The following C10orf105 variants were observed in gnomAD, a reference collection of about 807,000 sequenced individuals.
The protein encoded by C10orf105 is uncharacterized protein C10orf105.
C10orf105 carries 2 observed loss-of-function variants against 0.6 expected under a neutral mutation model. The observed-to-expected ratio is 3.18, with a 90% CI of 1.30 to 10.01. The LOEUF (loss-of-function observed/expected upper bound fraction) is 10.01, where lower values mean the gene tolerates loss of function less well. Ranked by LOEUF, C10orf105 falls within the 30% of genes most tolerant of loss-of-function variation. C10orf105 has a pLI of 0.04. For missense variants in C10orf105, 209 were observed against 191.4 expected (o/e 1.09, Z -0.54); for synonymous variants, 95 against 82.4 (o/e 1.15, Z -0.83).
chr10:71,725,913 TG>T (rs1213975407), intron 1 of C10orf105, among the ~76,000 whole-genome samples: 2 of 151,206 alleles, frequency 1.3e-5, no homozygotes, highest in Non-Finnish European at 3.0e-5. Context: ...AAGTTGCTAG[TG>T]ATAGAATCAG....
At chr10:71,720,678 C>T (rs769162547), upstream of C10orf105, among the ~76,000 whole-genome samples, 4 of 152,194 alleles carry the variant, frequency 2.6e-5, no homozygotes, top group Non-Finnish European at 5.9e-5. Context: ...TGCCCTTGCC[C>T]ATAAAAAGAG....
chr10:71,733,547 A>G (rs1839460662), intron 1 of C10orf105, among the ~76,000 whole-genome samples: 1 of 152,214 alleles, frequency 6.6e-6, no homozygotes, highest in Non-Finnish European at 1.5e-5. Context: ...CACCTAGGAA[A>G]TGCCAGGGGA....
chr10:71,732,706 A>G, intron 1 of C10orf105: 1 of 1,280,810 alleles, frequency 7.8e-7, no homozygotes, highest in African/African-American at 1.5e-5. Context: ...TAGGAGTAAG[A>G]TAAAGTTTAT....
intron 1 of C10orf105, among the ~76,000 whole-genome samples, chr10:71,734,038 T>G (rs560626902): frequency 1.3e-5 from 2 of 152,286 alleles, no homozygotes; most frequent in East Asian, 3.9e-4. Flanking sequence ...CAGTCATACC[T>G]GGCTGGGGAA....
At chr10:71,727,934 A>G (rs1391612365) in intron 1 of C10orf105, among the ~76,000 whole-genome samples, 3 of 152,274 alleles carry the variant, frequency 2.0e-5, no homozygotes, top group African/African-American at 4.8e-5. Flanking sequence ...CTCTGCTGCT[A>G]AAAACAGGCT....
At position 71,713,157 on chromosome 10, in the gene C10orf105, G is replaced by A. The variant is rs1240551300; in HGVS notation, c.*2779C>T. The A allele has an allele frequency of 3.8e-6, 3 of 779,266 alleles. No individual in the cohort carries two copies. In the South Asian group the frequency reaches 4.0e-5, roughly 10 times the overall value. The allele number at this position is 779,266 out of a possible 1,614,324, so 48.3% of individuals were successfully genotyped here. On this transcript the variant is annotated 3_prime_UTR_variant, in exon 2 of 2. Coordinates refer to ENST00000441508, the MANE Select transcript of C10orf105 (RefSeq NM_001164375.3). Reference sequence around the variant, plus strand: ...ATTTCCCGGAAAGGAGTTGAGAAGAGAGCCAGGGCCCAGCAAGGCCCAGAA... The same window carrying A: ...ATTTCCCGGAAAGGAGTTGAGAAGAAAGCCAGGGCCCAGCAAGGCCCAGAA...
At chr10:71,720,694 G>A (rs1866516290), upstream of C10orf105, among the ~76,000 whole-genome samples, 1 of 152,200 alleles carries the variant, frequency 6.6e-6, no homozygotes, top group Non-Finnish European at 1.5e-5. Context: ...AAGAGGCACT[G>A]TCTGCCAACC....
rs903234624 is a variant in C10orf105 at position 71,715,779 on chromosome 10, G to A, written c.*157C>T. ...CTTCTGAGGATCATCTTTGGGAAAGGGCGCTGGCCTGGGCATGCAAGGAGC... is the reference window on the plus strand; with the variant it reads ...CTTCTGAGGATCATCTTTGGGAAAGAGCGCTGGCCTGGGCATGCAAGGAGC... On this transcript the variant is annotated 3_prime_UTR_variant, in exon 2 of 2. Coordinates refer to ENST00000441508, the MANE Select transcript of C10orf105 (RefSeq NM_001164375.3). The A allele has an allele frequency of 3.3e-6, 2 of 609,256 alleles. No individual in the cohort carries two copies. The allele number at this position is 609,256 out of a possible 1,614,324, so 37.7% of individuals were successfully genotyped here.
chr10:71,724,084 G>T, upstream of C10orf105: 1 of 1,559,616 alleles, frequency 6.4e-7, no homozygotes, highest in Non-Finnish European at 8.7e-7. Flanking sequence ...GTTTGGGCGT[G>T]TGTGGTACCG....
chr10:71,724,186 G>T, upstream of C10orf105: 2 of 1,469,532 alleles, frequency 1.4e-6, no homozygotes, highest in Non-Finnish European at 1.9e-6. Flanking sequence ...CAAAGGTCTG[G>T]GAGATGAGGC....
chr10:71,737,079 A>G (rs7910873), intron 1 of C10orf105, among the ~76,000 whole-genome samples: 63 of 152,274 alleles, frequency 4.1e-4, no homozygotes, highest in African/African-American at 1.5e-3. Flanking sequence ...ATCCGATCAC[A>G]AGGACCCTTG....
At chr10:71,724,015 AG>A (rs758538291), upstream of C10orf105, 13 of 1,552,680 alleles carry the variant, frequency 8.4e-6, no homozygotes, top group Middle Eastern at 1.7e-4. Flanking sequence ...GTGGCATTCA[AG>A]AAGTAACTCG....
At chr10:71,734,674 C>G in intron 1 of C10orf105, 3 of 1,408,330 alleles carry the variant, frequency 2.1e-6, no homozygotes, top group Middle Eastern at 1.9e-4. Flanking sequence ...TAGCCTGTGG[C>G]TGGAGCTTCC....
upstream of C10orf105, among the ~76,000 whole-genome samples, chr10:71,720,590 T>A (rs1866511017): frequency 6.6e-6 from 1 of 152,206 alleles, no homozygotes; most frequent in South Asian, 2.1e-4. Flanking sequence ...ACAGGAGTCA[T>A]GGCCCTGTCC....
At chr10:71,725,284 G>A (rs1010459312) in intron 1 of C10orf105, 9 of 1,591,330 alleles carry the variant, frequency 5.7e-6, no homozygotes, top group Non-Finnish European at 7.8e-6. Context: ...GGGGACTGGT[G>A]AACTTCTGCC....
intron 1 of C10orf105, among the ~76,000 whole-genome samples, chr10:71,731,569 G>A (rs1216312033): frequency 6.6e-6 from 1 of 152,160 alleles, no homozygotes; most frequent in Admixed American, 6.5e-5. Context: ...TGACACTGAA[G>A]CCCTTCTGTC....
intron 1 of C10orf105, among the ~76,000 whole-genome samples, chr10:71,726,257 A>G (rs1050307211): frequency 1.1e-4 from 16 of 151,990 alleles, no homozygotes; most frequent in African/African-American, 3.6e-4. Flanking sequence ...GACCCCAGAC[A>G]TCAGGAGTAG....
chr10:71,715,984 G>C lies in C10orf105; in HGVS notation c.354C>G (p.Pro118=). ...PTVPRQPLPG[P]EDNRSHCDYM... is the part of the protein sequence containing the mutation. The stretch of plus-strand genomic sequence containing the variant: ...AGTCACAGTGGCTGCGGTTGTCCTC[G>C]GGGCCCGGCAGGGGCTGTCGAGGGA... Residue 118 remains proline (P), a synonymous_variant, in exon 2 of 2, where the codon CCC becomes CCG. Transcript: ENST00000441508. The C allele has an allele frequency of 6.7e-7, 1 of 1,491,642 alleles. No homozygotes were observed. The highest frequency in any genetic ancestry group is 8.9e-7 in the Non-Finnish European group (1 of 1,120,792). The allele number at this position is 1,491,642 out of a possible 1,614,324, so 92.4% of individuals were successfully genotyped here.
chr10:71,732,025 G>T (rs747334403), intron 1 of C10orf105: 2 of 1,613,852 alleles, frequency 1.2e-6, no homozygotes, highest in Non-Finnish European at 1.7e-6. Flanking sequence ...CCTGTCGGGC[G>T]CAGAGGGGAA....
Sources: gnomAD v4.1 joint callset for allele counts (sites outside exome capture counted in the v4.1 genomes callset) on GRCh38, gnomAD v4.1.1 for gene constraint, MANE v1.5 for transcripts, NCBI Gene and HGNC (gene_info 2026-07-23, HGNC 2026-07-21) for gene names.